ADAMTS3: variants seen among roughly 807,000 people sequenced by gnomAD.
ADAMTS3 encodes the protein A disintegrin and metalloproteinase with thrombospondin motifs 3.
In ADAMTS3, 73 loss-of-function variants were observed where a neutral mutation model predicts 129.0. That is an observed-to-expected ratio of 0.57 (90% CI 0.47 to 0.69). ADAMTS3 has a LOEUF of 0.69. Ranked by LOEUF, ADAMTS3 falls within the 30% of genes least tolerant of loss-of-function variation. The pLI, the probability that ADAMTS3 is intolerant of heterozygous loss-of-function variation, is 0.00. For missense variants in ADAMTS3, 1,457 were observed against 1,514.5 expected (o/e 0.96, Z 0.63); for synonymous variants, 477 against 510.8 (o/e 0.93, Z 0.89).
At chr4:72,352,854 G>A (rs570627976) in intron 4 of ADAMTS3, among the ~76,000 whole-genome samples, 1 of 152,136 alleles carries the variant, frequency 6.6e-6, no homozygotes, top group African/African-American at 2.4e-5. Flanking sequence ...GAACTTCAAA[G>A]AGGATGGAGC....
intron 3 of ADAMTS3, among the ~76,000 whole-genome samples, chr4:72,417,308 C>A (rs1017870325): frequency 6.6e-6 from 1 of 152,156 alleles, no homozygotes. Context: ...CTGAGCAATG[C>A]GCAATGGCTA....
chr4:72,501,409 C>T (rs1192405018), intron 3 of ADAMTS3, among the ~76,000 whole-genome samples: 1 of 152,042 alleles, frequency 6.6e-6, no homozygotes, highest in African/African-American at 2.4e-5. Context: ...CTTGATTTGG[C>T]TCGCAGCTTA....
At chr4:72,473,064 CGAT>C (rs1430847519) in intron 3 of ADAMTS3, among the ~76,000 whole-genome samples, 3 of 152,070 alleles carry the variant, frequency 2.0e-5, no homozygotes, top group South Asian at 2.1e-4. Context: ...ACAAAACAAA[CGAT>C]AATTTAATAA....
chr4:72,412,041 G>A (rs1489683865), intron 4 of ADAMTS3, among the ~76,000 whole-genome samples: 2 of 152,054 alleles, frequency 1.3e-5, no homozygotes, highest in Non-Finnish European at 2.9e-5. Flanking sequence ...AATGTAGCTA[G>A]CCAATTACTG....
In ADAMTS3 at chr4:72,567,405, GA is replaced by G. The variant is rs33925079; in HGVS notation, c.70-5del. On this transcript the variant is annotated splice_polypyrimidine_tract_variant and splice_region_variant and intron_variant, in intron 1 of 21. Coordinates refer to ENST00000286657, the MANE Select transcript of ADAMTS3 (RefSeq NM_014243.3). The stretch of plus-strand genomic sequence containing the variant: ...GCACCATTTCTTCATTACCAGCCTG[GA>G]AAGGAGGGGGAAAGCAAGAAAAAGA... 0.53 allele frequency: 853,253 copies of G among 1,611,678 alleles called. 230,313 individuals are homozygous for G. The highest frequency in any genetic ancestry group is 0.64 in the Admixed American group (38,101 of 59,942).
At chr4:72,398,702 T>C (rs965097917) in intron 4 of ADAMTS3, among the ~76,000 whole-genome samples, 7 of 152,208 alleles carry the variant, frequency 4.6e-5, no homozygotes, top group African/African-American at 1.7e-4. Flanking sequence ...TGCACATCTT[T>C]ATGAAAGTTC....
intron 21 of ADAMTS3, among the ~76,000 whole-genome samples, chr4:72,286,563 T>C (rs534582866): frequency 6.6e-6 from 1 of 152,336 alleles, no homozygotes; most frequent in Non-Finnish European, 1.5e-5. Context: ...GCCAATTTTC[T>C]TGACAAAAAG....
intron 4 of ADAMTS3, among the ~76,000 whole-genome samples, chr4:72,377,105 C>T (rs1721154239): frequency 6.6e-6 from 1 of 152,158 alleles, no homozygotes; most frequent in African/African-American, 2.4e-5. Context: ...CCAAGACACA[C>T]CCTGAGTACT....
chr4:72,479,898 A>G (rs1719377518), intron 3 of ADAMTS3, among the ~76,000 whole-genome samples: 1 of 152,198 alleles, frequency 6.6e-6, no homozygotes, highest in African/African-American at 2.4e-5. Context: ...ATGAACAGAC[A>G]CTTCTCAAAA....
chr4:72,316,523 T>TA (rs1238881173), intron 10 of ADAMTS3, among the ~76,000 whole-genome samples: 1 of 151,852 alleles, frequency 6.6e-6, no homozygotes, highest in Non-Finnish European at 1.5e-5. Context: ...CTGTCTCTAC[T>TA]AAAAACACAA....
intron 5 of ADAMTS3, among the ~76,000 whole-genome samples, chr4:72,338,087 A>G (rs1195102717): frequency 6.6e-6 from 1 of 152,162 alleles, no homozygotes; most frequent in African/African-American, 2.4e-5. Flanking sequence ...CTATTTGTGC[A>G]TCTGTATATG....
At chr4:72,309,293 T>C (rs1719166299) in intron 15 of ADAMTS3, 104 bp downstream of exon 15, 1 of 1,185,316 alleles carries the variant, frequency 8.4e-7, no homozygotes, top group Admixed American at 2.2e-5. Context: ...GCAGCTAAAT[T>C]TTGATTATGT....
intron 18 of ADAMTS3, 175 bp downstream of exon 18, chr4:72,298,102 T>A: frequency 1.9e-6 from 1 of 530,376 alleles, no homozygotes; most frequent in Non-Finnish European, 3.3e-6. Flanking sequence ...ATGAAAGGAA[T>A]CCTATGATTT....
Position 72,339,486 on chromosome 4 carries a change from C to T in ADAMTS3, c.861+8G>A, listed in dbSNP as rs1345026717. ...ATCAAAAAGCTTTAAAAAGGAGTCA[C>T]TACTCACAATGTTCATTAGGGTCAG... On this transcript the variant is annotated splice_region_variant and intron_variant, in intron 5 of 21. Coordinates refer to ENST00000286657, the MANE Select transcript of ADAMTS3 (RefSeq NM_014243.3). 1 of 1,613,416 alleles carries T rather than the reference C, an allele frequency of 6.2e-7. No homozygotes were observed. Among genetic ancestry groups the T allele is most frequent in the Admixed American group, 1.7e-5 (1 of 59,994 alleles).
rs557192266 is a variant in ADAMTS3 at position 72,347,311 on chromosome 4, G to C, written c.662-7618C>G. On this transcript the variant is annotated intron_variant, in intron 4 of 21. Transcript: ENST00000286657. ...TTTTTTTTTTCCATTTGCTAAGACA[G>C]TTTGATGTAAGTTCCCGACAGGCAG... is the stretch of plus-strand genomic sequence containing the variant. 5.4e-5 allele frequency among the ~76,000 whole-genome samples: 8 copies of C among 147,664 alleles called. No homozygotes were observed. In the South Asian group the frequency reaches 1.3e-3, roughly 24 times the overall value.
At chr4:72,430,170 A>C (rs956077200) in intron 3 of ADAMTS3, among the ~76,000 whole-genome samples, 11 of 151,742 alleles carry the variant, frequency 7.2e-5, no homozygotes, top group African/African-American at 2.2e-4. Context: ...TGACCTTGGC[A>C]CTCCCTCATC....
At chr4:72,479,703 T>C (rs961930004) in intron 3 of ADAMTS3, among the ~76,000 whole-genome samples, 9 of 152,220 alleles carry the variant, frequency 5.9e-5, no homozygotes, top group South Asian at 2.1e-4. Flanking sequence ...TGGGATCTCA[T>C]TAAACTAAAG....
At chr4:72,520,846 C>T (rs1246343664) in intron 3 of ADAMTS3, among the ~76,000 whole-genome samples, 1 of 152,036 alleles carries the variant, frequency 6.6e-6, no homozygotes, top group East Asian at 1.9e-4. Context: ...GTGCTGCACC[C>T]TCTGTCCTGT....
At chr4:72,368,324 T>TG (rs1720922605) in intron 4 of ADAMTS3, among the ~76,000 whole-genome samples, 1 of 152,180 alleles carries the variant, frequency 6.6e-6, no homozygotes, top group South Asian at 2.1e-4. Flanking sequence ...CCAGTGTTAG[T>TG]GCAAAATCAC....
Sources: allele counts gnomAD v4.1 joint callset (sites outside exome capture counted in the v4.1 genomes callset), GRCh38; gene constraint gnomAD v4.1.1; transcripts MANE v1.5; gene names NCBI Gene and HGNC (gene_info 2026-07-23, HGNC 2026-07-21).